DCDC1: variants seen among roughly 807,000 people sequenced by gnomAD.
DCDC1 encodes doublecortin domain containing 1, also known as doublecortin domain-containing protein 1.
DCDC1 carries 200 observed loss-of-function variants against 178.3 expected under a neutral mutation model. The observed-to-expected ratio is 1.12, with a 90% CI of 1.00 to 1.26. DCDC1 has a LOEUF of 1.26. Among genes scored for constraint, DCDC1 ranks in the 50% most tolerant of loss-of-function variants. The pLI, the probability that DCDC1 is intolerant of heterozygous loss-of-function variation, is 0.00. For missense variants in DCDC1, 1,983 were observed against 1,749.2 expected, an observed-to-expected ratio of 1.13 and a Z score of -2.38; for synonymous variants, 690 against 604.8, an observed-to-expected ratio of 1.14 and a Z score of -2.07.
At chr11:31,178,747 C>T (rs1968400172) in intron 9 of DCDC1, among the ~76,000 whole-genome samples, 1 of 152,158 alleles carries the variant, frequency 6.6e-6, no homozygotes, top group African/African-American at 2.4e-5. Flanking sequence ...GGCTGGAATG[C>T]AGTGGCGCGA....
At chr11:31,219,544 T>C (rs1974004815) in intron 9 of DCDC1, among the ~76,000 whole-genome samples, 2 of 152,018 alleles carry the variant, frequency 1.3e-5, no homozygotes, top group Non-Finnish European at 1.5e-5. Flanking sequence ...AAATAAATAA[T>C]TGAAAGAAAG....
intron 15 of DCDC1, among the ~76,000 whole-genome samples, chr11:31,101,282 C>T (rs1427283294): frequency 6.6e-6 from 1 of 152,006 alleles, no homozygotes; most frequent in Non-Finnish European, 1.5e-5. Flanking sequence ...CAACCGTACA[C>T]AGCACTTGCC....
chr11:30,909,548 G>A (rs1220821396), intron 28 of DCDC1, among the ~76,000 whole-genome samples: 1 of 151,926 alleles, frequency 6.6e-6, no homozygotes, highest in African/African-American at 2.4e-5. Context: ...CAAATTTCTA[G>A]AAGTAGAGTT....
chr11:31,352,179 A>G (rs1385781834), intron 1 of DCDC1, among the ~76,000 whole-genome samples: 3 of 152,138 alleles, frequency 2.0e-5, no homozygotes, highest in Non-Finnish European at 2.9e-5. Context: ...AACGTAAGGT[A>G]ACAAAACAGT....
chr11:31,025,533 T>C (rs1225852836), intron 20 of DCDC1, among the ~76,000 whole-genome samples: 5 of 151,822 alleles, frequency 3.3e-5, no homozygotes, highest in African/African-American at 1.2e-4. Flanking sequence ...CCAATCTTCC[T>C]GTTTAGGGGC....
chr11:31,132,528 T>A (rs2135965218), intron 10 of DCDC1, among the ~76,000 whole-genome samples: 1 of 152,272 alleles, frequency 6.6e-6, no homozygotes, highest in East Asian at 1.9e-4. Context: ...TCCTTTTTTT[T>A]TCCTCTACAA....
At chr11:31,064,925 G>C in intron 19 of DCDC1, 94 bp downstream of exon 19, 1 of 597,160 alleles carries the variant, frequency 1.7e-6, no homozygotes, top group Non-Finnish European at 3.0e-6. Flanking sequence ...GTGAATTTGT[G>C]CTTGCCTCCT....
At chr11:31,257,289 G>A (rs1944473296) in intron 8 of DCDC1, among the ~76,000 whole-genome samples, 1 of 152,142 alleles carries the variant, frequency 6.6e-6, no homozygotes, top group South Asian at 2.1e-4. Context: ...GATTCATGTG[G>A]CTTGTTGATA....
intron 20 of DCDC1, among the ~76,000 whole-genome samples, chr11:31,038,075 T>TA (rs1565208513): frequency 1.6e-5 from 2 of 123,528 alleles, no homozygotes; most frequent in Non-Finnish European, 3.3e-5. Flanking sequence ...GGCCTGTTGT[T>TA]GGGGGAGGGG....
At chr11:31,033,469 A>T (rs1258725465) in intron 20 of DCDC1, among the ~76,000 whole-genome samples, 1 of 152,128 alleles carries the variant, frequency 6.6e-6, no homozygotes, top group Non-Finnish European at 1.5e-5. Context: ...TGTAAGAAAG[A>T]GTTGTTTCTT....
intron 20 of DCDC1, among the ~76,000 whole-genome samples, chr11:30,968,711 TTATATATA>T (rs71451193): frequency 0.011 from 689 of 61,052 alleles, 77 homozygotes; most frequent in African/African-American, 0.049. Flanking sequence ...ATATATCAAA[TTATATATA>T]TATATATATA....
At chr11:31,233,439 T>C (rs1976067234) in intron 9 of DCDC1, among the ~76,000 whole-genome samples, 1 of 152,152 alleles carries the variant, frequency 6.6e-6, no homozygotes, top group Non-Finnish European at 1.5e-5. Context: ...ACAGAGCACA[T>C]ATGTGGTACT....
At chr11:31,066,570 T>C (rs924419260) in intron 18 of DCDC1, among the ~76,000 whole-genome samples, 1 of 152,196 alleles carries the variant, frequency 6.6e-6, no homozygotes, top group Admixed American at 6.5e-5. Flanking sequence ...TAAATAACTT[T>C]TAACTTTGTT....
intron 9 of DCDC1, among the ~76,000 whole-genome samples, chr11:31,140,441 T>C (rs1327562401): frequency 6.6e-6 from 1 of 152,228 alleles, no homozygotes; most frequent in Non-Finnish European, 1.5e-5. Flanking sequence ...ATAGTCATTG[T>C]GCACATGAAA....
At chr11:31,119,117 A>G (rs1960411453) in intron 11 of DCDC1, among the ~76,000 whole-genome samples, 1 of 152,196 alleles carries the variant, frequency 6.6e-6, no homozygotes, top group South Asian at 2.1e-4. Context: ...AAGAGATTTC[A>G]GCACCTGCCG....
chr11:31,318,913 G>T, intron 3 of DCDC1, among the ~76,000 whole-genome samples: 1 of 51,824 alleles, frequency 1.9e-5, no homozygotes, highest in Non-Finnish European at 3.3e-5. Flanking sequence ...ATTTCGTTAT[G>T]TACCCAGTAG....
At chr11:31,031,950 TA>T (rs560878416) in intron 20 of DCDC1, among the ~76,000 whole-genome samples, 457 of 152,318 alleles carry the variant, frequency 3.0e-3, no homozygotes, top group Middle Eastern at 0.027. Context: ...TGATATTCTG[TA>T]AATAATATTT....
intron 20 of DCDC1, among the ~76,000 whole-genome samples, chr11:31,056,718 T>A (rs1438587411): frequency 6.6e-6 from 1 of 151,928 alleles, no homozygotes; most frequent in African/African-American, 2.4e-5. Context: ...AATCCACAAT[T>A]TAGTGGGGAA....
chr11:31,343,063 C>CA (rs1002453706), intron 1 of DCDC1, among the ~76,000 whole-genome samples: 15 of 151,996 alleles, frequency 9.9e-5, no homozygotes, highest in African/African-American at 2.7e-4. Flanking sequence ...CCCAGTAGTT[C>CA]AAGGCCAGGT....
Sources: allele counts gnomAD v4.1 joint callset (sites outside exome capture counted in the v4.1 genomes callset), GRCh38; gene constraint gnomAD v4.1.1; transcripts MANE v1.5; gene names NCBI Gene and HGNC (gene_info 2026-07-23, HGNC 2026-07-21).